SUOX: variants seen among roughly 807,000 people sequenced by gnomAD.
The protein encoded by SUOX is sulfite oxidase, mitochondrial.
Under a neutral mutation model 41.9 loss-of-function variants are expected in SUOX, and 39 were observed. The observed-to-expected ratio is 0.93, with a 90% CI of 0.72 to 1.21. The LOEUF (loss-of-function observed/expected upper bound fraction) is 1.21, where lower values mean the gene tolerates loss of function less well. Among genes scored for constraint, SUOX ranks in the 50% most tolerant of loss-of-function variants. The pLI is 0.00. For synonymous variants in SUOX, 220 were observed against 268.4 expected (o/e 0.82, Z 1.76); for missense variants, 633 against 689.5 (o/e 0.92, Z 0.92).
At chr12:56,002,161 T>A in intron 2 of SUOX, 51 bp from the exon 3 acceptor site, 1 of 1,608,038 alleles carries the variant, frequency 6.2e-7, no homozygotes, top group Non-Finnish European at 8.5e-7. Flanking sequence ...GCCTCCCTAA[T>A]ATCCCCTCCC....
chr12:56,004,402 G>C lies in SUOX; in HGVS notation c.1013G>C (p.Arg338Pro), dbSNP rs754116844. The C allele has an allele frequency of 6.2e-7, 1 of 1,613,912 alleles. No homozygotes were observed. Among genetic ancestry groups the C allele is most frequent in the South Asian group, 1.1e-5 (1 of 91,082 alleles). The change falls in exon 5 of 5, where the codon CGG becomes CCG. Residue 338 changes from arginine (R) to proline (P), a missense_variant. By Grantham distance (103) the Arg-to-Pro change is moderately radical. Coordinates refer to ENST00000266971, the MANE Select transcript of SUOX (RefSeq NM_001032386.2). This position sits in a 1 kb window ranked among gnomAD's most constrained non-coding sequence, Gnocchi z 4.5. ...TATGGAGCATCCATCCCTCTGGCTC[G>C]GGCCATGGACCCTGAAGCTGAGGTC... ...TAYGASIPLARAMDPEAEVLL... is the reference protein window; with the variant it reads ...TAYGASIPLAPAMDPEAEVLL...
chr12:56,002,847 C>A (rs1752539392), intron 4 of SUOX, 127 bp downstream of exon 4: 5 of 1,049,536 alleles, frequency 4.8e-6, no homozygotes, highest in Non-Finnish European at 7.1e-6. Flanking sequence ...CCAGCCTGGG[C>A]AACATGGCAA....
chr12:56,002,181 C>A, intron 2 of SUOX, 31 bp from the exon 3 acceptor site: 2 of 1,612,336 alleles, frequency 1.2e-6, no homozygotes, highest in South Asian at 2.2e-5. Flanking sequence ...CAGGGTCTCC[C>A]TATCTTGATC....
intron 2 of SUOX, among the ~76,000 whole-genome samples, chr12:55,999,099 C>T (rs1449254569): frequency 6.6e-6 from 1 of 152,096 alleles, no homozygotes; most frequent in East Asian, 1.9e-4. Context: ...TAGGCATGAG[C>T]CACCATGACT....
chr12:56,005,300 C>A lies in SUOX; in HGVS notation c.*273C>A. 1 of 595,322 alleles carries A rather than the reference C, an allele frequency of 1.7e-6. No homozygotes were observed. The highest frequency in any genetic ancestry group is 2.1e-5 in the South Asian group (1 of 48,750). The allele number at this position is 595,322 out of a possible 1,614,324, so 36.9% of individuals were successfully genotyped here. The stretch of plus-strand genomic sequence containing the variant: ...TAATTCTGGAGACAAGCACTATTTT[C>A]TCTTCCTACCCCACCTCCATTTCTA... On this transcript the variant is annotated 3_prime_UTR_variant, in exon 5 of 5. Coordinates refer to ENST00000266971, the MANE Select transcript of SUOX (RefSeq NM_001032386.2).
At chr12:56,000,605 G>T (rs942639843) in intron 2 of SUOX, among the ~76,000 whole-genome samples, 1 of 152,192 alleles carries the variant, frequency 6.6e-6, no homozygotes, top group African/African-American at 2.4e-5. Context: ...GTGCAGCGGC[G>T]AGCTGAAGGG....
At chr12:55,997,469 C>T (rs1890348032) in intron 1 of SUOX, 130 bp downstream of exon 1, 1 of 152,380 alleles carries the variant, frequency 6.6e-6, no homozygotes, top group Non-Finnish European at 1.5e-5. Context: ...TGCCTCCACT[C>T]CTTCTGTCTG....
At chr12:56,000,469 G>A (rs918445900) in intron 2 of SUOX, among the ~76,000 whole-genome samples, 4 of 152,206 alleles carry the variant, frequency 2.6e-5, no homozygotes, top group African/African-American at 9.6e-5. Context: ...CGCCCACCCG[G>A]AACTCCAGCT....
Position 56,003,745 on chromosome 12 carries a change from C to T in SUOX, c.356C>T (p.Pro119Leu). The T allele has an allele frequency of 6.2e-7, 1 of 1,613,276 alleles. No homozygotes were observed. Among genetic ancestry groups the T allele is most frequent in the East Asian group, 2.2e-5 (1 of 44,872 alleles). The part of the protein sequence containing the change: ...FDVTEFVDLH[P>L]GGPSKLMLAA... Reference sequence around the variant, plus strand: ...GTCACAGAATTTGTGGACCTACATCCAGGGGGGCCTTCAAAGCTGATGCTA... The same window carrying T: ...GTCACAGAATTTGTGGACCTACATCTAGGGGGGCCTTCAAAGCTGATGCTA... The change falls in exon 5 of 5, where the codon CCA becomes CTA. Residue 119 changes from proline (P) to leucine (L), a missense_variant. Pro to Leu is a moderately conservative substitution (Grantham distance 98, BLOSUM62 -3). Transcript: ENST00000266971.
chr12:56,002,984 G>A, intron 4 of SUOX: 1 of 393,630 alleles, frequency 2.5e-6, no homozygotes, highest in East Asian at 5.4e-5. Context: ...CCAAGATCAA[G>A]ATCAGGCCAC....
chr12:56,003,492 C>T lies in SUOX; in HGVS notation c.229-126C>T. The T allele has an allele frequency of 3.6e-6, 3 of 844,134 alleles. No homozygotes were observed. The South Asian group carries it at 4.5e-5, about 13-fold the overall frequency. 52.3% of individuals were successfully genotyped at this position (844,134 alleles called of 1,614,324 possible). A position where few individuals can be genotyped will look rare whatever the true frequency, so the allele number is the denominator to read the frequency against. The stretch of plus-strand genomic sequence containing the variant: ...GTCAAGCTGGTCTTGAACTCCCGAC[C>T]TTATGTGATCCGCCCACCTCGGCCT... On this transcript the variant is annotated intron_variant, in intron 4 of 4. Coordinates refer to ENST00000266971, the MANE Select transcript of SUOX (RefSeq NM_001032386.2).
chr12:56,003,988 C>A lies in SUOX; in HGVS notation c.599C>A (p.Pro200His). ...SQRPFNAEPP[P>H]ELLTENYITP... ...CGGCCCTTTAATGCAGAGCCTCCCC[C>A]TGAGCTGCTGACAGAAAACTACATC... The change falls in exon 5 of 5, where the codon CCT becomes CAT. Residue 200 changes from proline to histidine, a missense_variant. By Grantham distance (77) the Pro-to-His change is moderately conservative. Transcript: ENST00000266971. The A allele has an allele frequency of 1.2e-6, 2 of 1,614,180 alleles. No individual in the cohort carries two copies. The highest frequency in any genetic ancestry group is 2.2e-5 in the East Asian group (1 of 44,888).
chr12:56,000,065 G>A (rs1890456438), intron 2 of SUOX, among the ~76,000 whole-genome samples: 1 of 152,208 alleles, frequency 6.6e-6, no homozygotes, highest in Admixed American at 6.5e-5. Flanking sequence ...ACCAGACTCA[G>A]GAGCCCAGCT....
At chr12:55,999,155 C>CT (rs34666942) in intron 2 of SUOX, among the ~76,000 whole-genome samples, 1 of 151,896 alleles carries the variant, frequency 6.6e-6, no homozygotes, top group African/African-American at 2.4e-5. Flanking sequence ...ATTCATATAA[C>CT]TTTTTTTTGT....
In SUOX at chr12:56,003,651, G is replaced by A; in HGVS notation, c.262G>A (p.Glu88Lys). Reference protein sequence around the residue: ...AQESTHIYTKEEVSSHTSPET... With the variant: ...AQESTHIYTKKEVSSHTSPET... ...GGAGTCAACACACATATACACTAAG[G>A]AGGAAGTGAGTTCCCACACCAGCCC... The change falls in exon 5 of 5, where the codon GAG becomes AAG. Residue 88 changes from glutamate to lysine, a missense_variant. Glu to Lys is a moderately conservative substitution (Grantham distance 56). Coordinates refer to ENST00000266971, the MANE Select transcript of SUOX (RefSeq NM_001032386.2). 1 of 1,614,124 alleles carries A rather than the reference G, an allele frequency of 6.2e-7. No homozygotes were observed. The highest frequency in any genetic ancestry group is 8.5e-7 in the Non-Finnish European group (1 of 1,180,004).
chr12:55,999,717 G>C (rs1385676802), intron 2 of SUOX: 1 of 152,246 alleles, frequency 6.6e-6, no homozygotes, highest in African/African-American at 2.4e-5. Flanking sequence ...GCCACTGCTG[G>C]CTTGGGCAGC....
intron 2 of SUOX, among the ~76,000 whole-genome samples, chr12:55,998,802 G>T (rs917572905): frequency 6.8e-6 from 1 of 147,634 alleles, no homozygotes. Flanking sequence ...CATCGCCCAG[G>T]CTTTTTTTTT....
intron 2 of SUOX, among the ~76,000 whole-genome samples, chr12:56,000,603 G>A (rs1367237749): frequency 1.3e-5 from 2 of 152,198 alleles, no homozygotes; most frequent in African/African-American, 2.4e-5. Flanking sequence ...CAGTGCAGCG[G>A]CGAGCTGAAG....
rs1890704474 is a variant in SUOX, at chr12:56,005,338, A to G, written c.*311A>G. The G allele has an allele frequency of 1.9e-5, 11 of 590,884 alleles. No homozygotes were observed. In the East Asian group the frequency reaches 3.0e-4, roughly 16 times the overall value. 36.6% of individuals were successfully genotyped at this position (590,884 alleles called of 1,614,324 possible). On this transcript the variant is annotated 3_prime_UTR_variant, in exon 5 of 5. Transcript: ENST00000266971. ...ACCTCCATTTCTAATGCCTACTGCC[A>G]TCAAGGCCTTGTTTTGCTTTTCTTT...
Sources: gnomAD v4.1 joint callset for allele counts (sites outside exome capture counted in the v4.1 genomes callset) on GRCh38, gnomAD v4.1.1 for gene constraint, Gnocchi (gnomAD v3.1) non-coding constraint, MANE v1.5 for transcripts, NCBI Gene and HGNC (gene_info 2026-07-23, HGNC 2026-07-21) for gene names.